The following WDR7 variants were observed in gnomAD, a reference collection of about 807,000 sequenced individuals.
WDR7 encodes the protein WD repeat-containing protein 7.
WDR7 carries 46 observed loss-of-function variants against 169.4 expected under a neutral mutation model. That is an observed-to-expected ratio of 0.27 (90% CI 0.21 to 0.35). WDR7 has a LOEUF of 0.35. Ranked by LOEUF, WDR7 falls within the 10% of genes least tolerant of loss-of-function variation. The pLI is 1.00. For synonymous variants in WDR7, 612 were observed against 666.8 expected (o/e 0.92, Z 1.27); for missense variants, 1,534 against 1,859.3 (o/e 0.83, Z 3.22).
intron 16 of WDR7, among the ~76,000 whole-genome samples, chr18:56,767,046 GTTTC>G (rs1255916236): frequency 6.6e-6 from 1 of 152,084 alleles, no homozygotes. Flanking sequence ...TGTGGAAACA[GTTTC>G]TTTTTTTTCC....
intron 12 of WDR7, among the ~76,000 whole-genome samples, chr18:56,712,583 A>G (rs1006389886): frequency 7.2e-5 from 11 of 152,108 alleles, no homozygotes; most frequent in Non-Finnish European, 1.5e-5. Flanking sequence ...TTTACTTTTA[A>G]TTGGCATTTG....
intron 24 of WDR7, among the ~76,000 whole-genome samples, 160 bp from the exon 25 acceptor site, chr18:56,939,151 T>C (rs756566046): frequency 1.3e-5 from 2 of 152,208 alleles, no homozygotes; most frequent in Non-Finnish European, 1.5e-5. Flanking sequence ...AAGGATAGAC[T>C]GTAGTATACA....
chr18:56,898,347 C>A (rs776275989), intron 21 of WDR7, among the ~76,000 whole-genome samples: 3 of 151,904 alleles, frequency 2.0e-5, no homozygotes, highest in Non-Finnish European at 2.9e-5. Flanking sequence ...CTTTATTAGG[C>A]GAAGATCACA....
intron 25 of WDR7, among the ~76,000 whole-genome samples, chr18:56,958,998 A>G (rs1657426): frequency 0.25 from 37,854 of 152,090 alleles, 8,736 homozygotes; most frequent in African/African-American, 0.62. Flanking sequence ...ATATCTCAAT[A>G]GTGATGGACA....
At chr18:56,872,860 C>T (rs1332015182) in intron 20 of WDR7, 2 of 152,082 alleles carry the variant, frequency 1.3e-5, no homozygotes, top group South Asian at 4.1e-4. Flanking sequence ...TTTACTTTTA[C>T]AGAATTATTT....
chr18:56,814,830 G>A (rs1167003987), intron 19 of WDR7, among the ~76,000 whole-genome samples: 1 of 152,034 alleles, frequency 6.6e-6, no homozygotes, highest in Non-Finnish European at 1.5e-5. Context: ...TCTGCAAAGT[G>A]GTGAGTTTGT....
intron 19 of WDR7, among the ~76,000 whole-genome samples, chr18:56,801,009 A>G (rs900970534): frequency 2.0e-5 from 3 of 152,148 alleles, no homozygotes; most frequent in Admixed American, 6.5e-5. Context: ...TATCCCCCAC[A>G]TATCTAGAAT....
downstream of WDR7, chr18:57,034,556 A>G (rs553288940): frequency 6.6e-6 from 1 of 152,210 alleles, no homozygotes; most frequent in South Asian, 2.1e-4. Context: ...GTGGGCCCTC[A>G]TGGACAGCCT....
At chr18:56,930,023 T>A (rs2046859874) in intron 22 of WDR7, among the ~76,000 whole-genome samples, 1 of 152,316 alleles carries the variant, frequency 6.6e-6, no homozygotes, top group African/African-American at 2.4e-5. Context: ...GCAGGGCCTT[T>A]ACTCTGAAAG....
chr18:56,733,249 A>C (rs1414512448), intron 14 of WDR7, among the ~76,000 whole-genome samples: 1 of 152,204 alleles, frequency 6.6e-6, no homozygotes, highest in Non-Finnish European at 1.5e-5. Flanking sequence ...AAGGCTTAGG[A>C]AGCTGAAGCT....
At chr18:56,722,699 T>G (rs1200337082) in intron 13 of WDR7, among the ~76,000 whole-genome samples, 2 of 152,216 alleles carry the variant, frequency 1.3e-5, no homozygotes, top group Non-Finnish European at 2.9e-5. Flanking sequence ...CTTCCCTTTT[T>G]GAAGGAAGGG....
chr18:56,777,721 A>G (rs1033478627), intron 17 of WDR7, among the ~76,000 whole-genome samples: 1 of 152,228 alleles, frequency 6.6e-6, no homozygotes, highest in African/African-American at 2.4e-5. Flanking sequence ...TTCAAATGGA[A>G]GGAATCTTGC....
intron 20 of WDR7, among the ~76,000 whole-genome samples, chr18:56,817,649 C>T (rs149220983): frequency 2.0e-5 from 3 of 151,818 alleles, no homozygotes; most frequent in Admixed American, 6.6e-5. Flanking sequence ...TAAATATGAA[C>T]GATTTCAGGA....
chr18:56,997,310 C>T (rs1408180883), intron 26 of WDR7, among the ~76,000 whole-genome samples: 1 of 152,204 alleles, frequency 6.6e-6, no homozygotes, highest in Admixed American at 6.5e-5. Context: ...TTGTAAACAT[C>T]TCAGGCAAAG....
At chr18:56,897,366 G>A (rs192621624) in intron 21 of WDR7, among the ~76,000 whole-genome samples, 30 of 150,304 alleles carry the variant, frequency 2.0e-4, no homozygotes, top group Admixed American at 1.9e-3. Context: ...TGGAATCAGC[G>A]CATGTGCATT....
chr18:56,950,334 C>T (rs1484847284), intron 25 of WDR7, among the ~76,000 whole-genome samples: 2 of 152,194 alleles, frequency 1.3e-5, no homozygotes, highest in African/African-American at 4.8e-5. Context: ...AATATAGCAA[C>T]TGCTAAACTA....
rs181962674 is a variant in WDR7, at chr18:56,974,156, A to G, written c.4164+11627A>G. 1.9e-3 allele frequency among the ~76,000 whole-genome samples: 284 copies of G among 152,122 alleles called. 1 individual carries two copies. Among genetic ancestry groups the G allele is most frequent in the African/African-American group, 6.4e-3 (266 of 41,492 alleles). ...ATTCTAGATTTTTGTGTTTTTTCCCATCTTTTACAGTTATCTCACACCTAA... is the reference window on the plus strand; with the variant it reads ...ATTCTAGATTTTTGTGTTTTTTCCCGTCTTTTACAGTTATCTCACACCTAA... On this transcript the variant is annotated intron_variant, in intron 26 of 27. Coordinates refer to ENST00000254442, the MANE Select transcript of WDR7 (RefSeq NM_015285.3).
At position 57,027,214 on chromosome 18, in the gene WDR7, T is replaced by C. The variant is rs973763011; in HGVS notation, c.*7T>C. On this transcript the variant is annotated 3_prime_UTR_variant, in exon 28 of 28. Transcript: ENST00000254442. ...GCACCGCTTCATGGTCTAATGCTGC[T>C]GCCTGCCGCCGTGACTGCGTTTTAG... 1.9e-6 allele frequency: 3 copies of C among 1,609,242 alleles called. No homozygotes were observed. The highest frequency in any genetic ancestry group is 2.5e-6 in the Non-Finnish European group (3 of 1,178,102).
intron 17 of WDR7, 106 bp downstream of exon 17, chr18:56,776,986 A>G (rs373670446): frequency 9.3e-7 from 1 of 1,073,872 alleles, no homozygotes; most frequent in East Asian, 2.4e-5. Flanking sequence ...TATGTATGAG[A>G]TTCTAAAGTT....
Sources: allele counts gnomAD v4.1 joint callset (sites outside exome capture counted in the v4.1 genomes callset), GRCh38; gene constraint gnomAD v4.1.1; transcripts MANE v1.5; gene names NCBI Gene and HGNC (gene_info 2026-07-23, HGNC 2026-07-21).